The following ADK variants were observed in gnomAD, a reference collection of about 807,000 sequenced individuals.
ADK encodes the protein N6,N6-dimethyladenosine kinase.
In ADK, 24 loss-of-function variants were observed where a neutral mutation model predicts 44.7. That is an observed-to-expected ratio of 0.54 (90% CI 0.39 to 0.76). ADK has a LOEUF of 0.76. Ranked by LOEUF, ADK falls within the 30% of genes least tolerant of loss-of-function variation. The probability of loss-of-function intolerance (pLI) is 0.00; values close to 1 mark genes in which losing one functional copy is unlikely to be tolerated. For missense variants in ADK, 321 were observed against 425.1 expected, an observed-to-expected ratio of 0.76 and a Z score of 2.15; for synonymous variants, 128 against 142.6, an observed-to-expected ratio of 0.90 and a Z score of 0.73.
chr10:74,211,990 G>A (rs899364572), intron 2 of ADK, among the ~76,000 whole-genome samples: 1 of 152,060 alleles, frequency 6.6e-6, no homozygotes, highest in Non-Finnish European at 1.5e-5. Context: ...ACTACCTTGT[G>A]ACCTACATTA....
chr10:74,332,182 T>A (rs1402393801), intron 4 of ADK, among the ~76,000 whole-genome samples: 1 of 152,232 alleles, frequency 6.6e-6, no homozygotes, highest in Non-Finnish European at 1.5e-5. Context: ...TAGTAACATT[T>A]TGCAAATGTA....
At chr10:74,666,285 G>A (rs1854953964) in intron 9 of ADK, among the ~76,000 whole-genome samples, 1 of 152,062 alleles carries the variant, frequency 6.6e-6, no homozygotes, top group African/African-American at 2.4e-5. Context: ...TGATTATTTT[G>A]TATTCTAGGT....
intron 6 of ADK, among the ~76,000 whole-genome samples, chr10:74,510,998 A>G (rs574768112): frequency 6.6e-6 from 1 of 152,300 alleles, no homozygotes; most frequent in African/African-American, 2.4e-5. Flanking sequence ...GTGAGCCACC[A>G]TGCCCAGCCT....
chr10:74,250,714 T>C (rs939708120), intron 3 of ADK, among the ~76,000 whole-genome samples: 1 of 152,088 alleles, frequency 6.6e-6, no homozygotes, highest in African/African-American at 2.4e-5. Flanking sequence ...GGGTCTCTTA[T>C]AGGGTAGTAG....
chr10:74,277,296 A>T (rs1413084862), intron 3 of ADK, among the ~76,000 whole-genome samples: 2 of 152,226 alleles, frequency 1.3e-5, no homozygotes, highest in East Asian at 3.9e-4. Context: ...TTAAGTCTAT[A>T]CATTTTTCTC....
intron 4 of ADK, among the ~76,000 whole-genome samples, chr10:74,366,948 G>A (rs16931395): frequency 0.64 from 97,726 of 151,964 alleles, 32,730 homozygotes; most frequent in Middle Eastern, 0.78. Context: ...AAACAAAAAC[G>A]CCCAAATATC....
At chr10:74,663,714 G>T (rs1854838701) in intron 9 of ADK, among the ~76,000 whole-genome samples, 1 of 152,050 alleles carries the variant, frequency 6.6e-6, no homozygotes, top group Admixed American at 6.6e-5. Context: ...CAAATAAAAA[G>T]ACTTTCTGCT....
chr10:74,275,208 A>T (rs898656945), intron 3 of ADK, among the ~76,000 whole-genome samples: 2 of 152,034 alleles, frequency 1.3e-5, no homozygotes, highest in African/African-American at 4.8e-5. Context: ...TGATCATTTG[A>T]TGAGATCCCT....
At chr10:74,341,629 A>T (rs1841586987) in intron 4 of ADK, among the ~76,000 whole-genome samples, 1 of 151,476 alleles carries the variant, frequency 6.6e-6, no homozygotes, top group Non-Finnish European at 1.5e-5. Flanking sequence ...AAAGATTTCT[A>T]GTATATTTAC....
At chr10:74,623,385 C>T (rs926198313) in intron 9 of ADK, among the ~76,000 whole-genome samples, 7 of 152,096 alleles carry the variant, frequency 4.6e-5, no homozygotes, top group African/African-American at 1.7e-4. Context: ...ATAAGGTCAA[C>T]ACCAATAGGC....
At chr10:74,552,317 T>C (rs1325521967) in intron 7 of ADK, among the ~76,000 whole-genome samples, 1 of 152,216 alleles carries the variant, frequency 6.6e-6, no homozygotes, top group Non-Finnish European at 1.5e-5. Flanking sequence ...GCCACTGCTG[T>C]CAGCACTTAT....
chr10:74,527,690 C>T, intron 7 of ADK: 1 of 1,207,150 alleles, frequency 8.3e-7, no homozygotes, highest in Admixed American at 1.7e-5. Flanking sequence ...AAAAATGCCT[C>T]TCTTATTTCT....
chr10:74,316,563 T>A (rs1314655523), intron 4 of ADK, among the ~76,000 whole-genome samples: 3 of 152,228 alleles, frequency 2.0e-5, no homozygotes, highest in Non-Finnish European at 4.4e-5. Context: ...TCTTGCTGCC[T>A]TGTAAAGAAG....
intron 1 of ADK, among the ~76,000 whole-genome samples, chr10:74,184,195 G>A (rs1388655483): frequency 6.6e-6 from 1 of 152,212 alleles, no homozygotes; most frequent in African/African-American, 2.4e-5. Context: ...TGGGACTACA[G>A]GTGTGAGCCA....
chr10:74,577,322 A>C (rs1440108177), intron 7 of ADK, among the ~76,000 whole-genome samples: 1 of 152,066 alleles, frequency 6.6e-6, no homozygotes, highest in African/African-American at 2.4e-5. Flanking sequence ...AATCTTGTCT[A>C]TGGTGTATTT....
chr10:74,606,209 A>AT (rs916676916), intron 9 of ADK, among the ~76,000 whole-genome samples: 62 of 152,124 alleles, frequency 4.1e-4, no homozygotes, highest in Admixed American at 2.0e-3. Flanking sequence ...GGATTCATTG[A>AT]TTTTTGGAAG....
In ADK at chr10:74,196,601, T is replaced by C. The variant is rs577078127; in HGVS notation, c.66-4163T>C. Among the ~76,000 whole-genome samples the C allele has an allele frequency of 1.6e-4, 25 of 152,292 alleles. No homozygotes were observed. In the South Asian group the frequency reaches 5.2e-3, roughly 32 times the overall value. On this transcript the variant is annotated intron_variant, in intron 1 of 10. Coordinates refer to ENST00000539909, the MANE Select transcript of ADK (RefSeq NM_006721.4). ...TTACAGTTTTATAATAAAAATGCAT[T>C]ACATATTAAACAGATTCACAAAGTG...
At chr10:74,381,441 T>C (rs1400955615) in intron 4 of ADK, among the ~76,000 whole-genome samples, 1 of 152,244 alleles carries the variant, frequency 6.6e-6, no homozygotes, top group Non-Finnish European at 1.5e-5. Context: ...CTGTTAAGCT[T>C]TAAGTGCTTT....
At chr10:74,697,198 T>A (rs1297745834) in intron 10 of ADK, among the ~76,000 whole-genome samples, 6 of 152,182 alleles carry the variant, frequency 3.9e-5, no homozygotes, top group South Asian at 4.1e-4. Context: ...ACTGTATCTT[T>A]GGGAAAACAA....
Sources: gnomAD v4.1 joint callset for allele counts (sites outside exome capture counted in the v4.1 genomes callset) on GRCh38, gnomAD v4.1.1 for gene constraint, MANE v1.5 for transcripts, NCBI Gene and HGNC (gene_info 2026-07-23, HGNC 2026-07-21) for gene names.